Variants in TMEM135 observed in about 807,000 individuals in gnomAD.
TMEM135 encodes the protein peroxisomal membrane protein 52.
A neutral mutation model predicts 60.3 loss-of-function variants in TMEM135; 30 were observed. The ratio of observed to expected loss-of-function variants is 0.50; its 90% CI spans 0.37 to 0.68. TMEM135 has a LOEUF of 0.68. Among genes scored for constraint, TMEM135 ranks in the 30% least tolerant of loss-of-function variants. The probability of loss-of-function intolerance (pLI) is 0.00; values close to 1 mark genes in which losing one functional copy is unlikely to be tolerated. For missense variants in TMEM135, 468 were observed against 548.8 expected, an observed-to-expected ratio of 0.85 and a Z score of 1.47; for synonymous variants, 190 against 186.7, an observed-to-expected ratio of 1.02 and a Z score of -0.14.
At chr11:87,314,758 T>C (rs1195380445) in intron 12 of TMEM135, among the ~76,000 whole-genome samples, 3 of 151,858 alleles carry the variant, frequency 2.0e-5, no homozygotes, top group African/African-American at 7.2e-5. Context: ...TTAACCCTCA[T>C]GCACCCATCA....
chr11:87,121,889 C>G (rs549339686), intron 4 of TMEM135, among the ~76,000 whole-genome samples: 5 of 152,314 alleles, frequency 3.3e-5, no homozygotes, highest in African/African-American at 1.2e-4. Flanking sequence ...ATGCGCTCGC[C>G]TAAGCCTCCC....
intron 4 of TMEM135, among the ~76,000 whole-genome samples, chr11:87,127,376 G>A (rs557962179): frequency 1.3e-5 from 2 of 152,214 alleles, no homozygotes; most frequent in South Asian, 4.2e-4. Flanking sequence ...GCCTTTCTGT[G>A]GGCTAATCAA....
At chr11:87,105,357 A>G (rs1332867450) in intron 4 of TMEM135, among the ~76,000 whole-genome samples, 1 of 152,156 alleles carries the variant, frequency 6.6e-6, no homozygotes, top group Non-Finnish European at 1.5e-5. Context: ...CCCAATTGCG[A>G]ACTGCACATG....
intron 2 of TMEM135, among the ~76,000 whole-genome samples, chr11:87,070,369 C>T (rs1856751916): frequency 6.6e-6 from 1 of 151,684 alleles, no homozygotes; most frequent in South Asian, 2.1e-4. Context: ...CTTAAAAAAC[C>T]TGCGTTGGCT....
intron 1 of TMEM135, among the ~76,000 whole-genome samples, chr11:87,061,187 T>C (rs1949943307): frequency 6.6e-6 from 1 of 152,196 alleles, no homozygotes; most frequent in African/African-American, 2.4e-5. Context: ...AACTAACATA[T>C]TCAAAATATA....
intron 6 of TMEM135, among the ~76,000 whole-genome samples, chr11:87,275,638 C>G (rs918035941): frequency 7.9e-5 from 12 of 151,926 alleles, no homozygotes; most frequent in Admixed American, 1.3e-4. Flanking sequence ...CCAAACTAGT[C>G]TGGATTTTAT....
At chr11:87,148,198 G>GT (rs1287194562) in intron 4 of TMEM135, among the ~76,000 whole-genome samples, 3 of 152,110 alleles carry the variant, frequency 2.0e-5, no homozygotes, top group Non-Finnish European at 4.4e-5. Flanking sequence ...TTTACTATAG[G>GT]TAAATTTACA....
chr11:87,181,612 A>G (rs1052801470), intron 5 of TMEM135, among the ~76,000 whole-genome samples: 1 of 152,186 alleles, frequency 6.6e-6, no homozygotes, highest in Non-Finnish European at 1.5e-5. Context: ...ACAAAGACAG[A>G]ATGAGGGAAT....
rs968973871 is a variant in TMEM135 at position 87,063,650 on chromosome 11, T to G, written c.142-4044T>G. Among the ~76,000 whole-genome samples, 5 of 152,332 alleles carry G rather than the reference T, an allele frequency of 3.3e-5. No homozygotes were observed. The East Asian group carries it at 9.6e-4, about 29-fold the overall frequency. On this transcript the variant is annotated intron_variant, in intron 1 of 14. Coordinates refer to ENST00000305494, the MANE Select transcript of TMEM135 (RefSeq NM_022918.4). ...CAGTGGTCACCCTGCCCTGTTACCT[T>G]GTGTCTGGCCTGGCTAACTAGACTA...
At chr11:87,130,589 G>A (rs1038409522) in intron 4 of TMEM135, among the ~76,000 whole-genome samples, 7 of 152,064 alleles carry the variant, frequency 4.6e-5, no homozygotes, top group Admixed American at 3.9e-4. Context: ...TCTGGGTATC[G>A]CTATCATTAT....
intron 6 of TMEM135, among the ~76,000 whole-genome samples, chr11:87,285,248 C>T (rs1003056942): frequency 1.3e-5 from 2 of 152,068 alleles, no homozygotes; most frequent in African/African-American, 4.8e-5. Flanking sequence ...ATTACAAAAT[C>T]TAGTGTATTC....
At chr11:87,067,453 G>T (rs1856688480) in intron 1 of TMEM135, among the ~76,000 whole-genome samples, 1 of 151,882 alleles carries the variant, frequency 6.6e-6, no homozygotes, top group Non-Finnish European at 1.5e-5. Flanking sequence ...TTACCTCAAT[G>T]TATGGAGATT....
At chr11:87,182,096 A>T (rs1008005389) in intron 5 of TMEM135, among the ~76,000 whole-genome samples, 2 of 151,938 alleles carry the variant, frequency 1.3e-5, no homozygotes, top group African/African-American at 4.8e-5. Context: ...TTTTATATGT[A>T]ATATCTACTA....
intron 4 of TMEM135, among the ~76,000 whole-genome samples, chr11:87,097,713 A>G (rs927804800): frequency 1.3e-5 from 2 of 152,122 alleles, no homozygotes; most frequent in Non-Finnish European, 2.9e-5. Flanking sequence ...TGAGCATGAC[A>G]AGCATGCTTT....
chr11:87,190,002 A>G (rs544283352), intron 5 of TMEM135, among the ~76,000 whole-genome samples: 8 of 152,346 alleles, frequency 5.3e-5, no homozygotes, highest in Admixed American at 4.6e-4. Flanking sequence ...ACAGAACAGT[A>G]GATACAAAAT....
intron 7 of TMEM135, among the ~76,000 whole-genome samples, chr11:87,300,589 C>T (rs1375044957): frequency 6.6e-6 from 1 of 152,200 alleles, no homozygotes; most frequent in Non-Finnish European, 1.5e-5. Context: ...TTGTAAAAGG[C>T]TCAGTTGGCA....
chr11:87,267,385 A>G (rs909858348), intron 6 of TMEM135, among the ~76,000 whole-genome samples: 6 of 152,164 alleles, frequency 3.9e-5, no homozygotes, highest in African/African-American at 1.4e-4. Context: ...TACACAAGAT[A>G]AGCATTCTAG....
rs942445007 is a variant in TMEM135, at chr11:87,093,999, C to A, written c.396+2604C>A. 3.3e-5 allele frequency among the ~76,000 whole-genome samples: 5 copies of A among 152,080 alleles called. No homozygotes were observed. In the South Asian group the frequency reaches 1.0e-3, roughly 32 times the overall value. ...TAACATACCTCCACAGTACTTTTTTCCTTCATATATTGGTTATAAACTCCA... is the reference window on the plus strand; with the variant it reads ...TAACATACCTCCACAGTACTTTTTTACTTCATATATTGGTTATAAACTCCA... On this transcript the variant is annotated intron_variant, in intron 4 of 14. Coordinates refer to ENST00000305494, the MANE Select transcript of TMEM135 (RefSeq NM_022918.4).
At chr11:87,291,781 G>A (rs1942269103) in intron 6 of TMEM135, among the ~76,000 whole-genome samples, 1 of 152,016 alleles carries the variant, frequency 6.6e-6, no homozygotes, top group Admixed American at 6.5e-5. Flanking sequence ...AACCTCAGGT[G>A]ATCCACCAAC....
Sources: gnomAD v4.1 joint callset for allele counts (sites outside exome capture counted in the v4.1 genomes callset) on GRCh38, gnomAD v4.1.1 for gene constraint, MANE v1.5 for transcripts, NCBI Gene and HGNC (gene_info 2026-07-23, HGNC 2026-07-21) for gene names.